DLGAP4: variants seen among roughly 807,000 people sequenced by gnomAD.
DLGAP4 encodes the protein DLG associated protein 4, also known as disks large-associated protein 4.
DLGAP4 carries 18 observed loss-of-function variants against 86.9 expected under a neutral mutation model. That is an observed-to-expected ratio of 0.21 (90% CI 0.14 to 0.31). The LOEUF is 0.31. DLGAP4 is among the 10% of genes least tolerant of loss of function. The pLI is 1.00. For synonymous variants in DLGAP4, 548 were observed against 574.3 expected, an observed-to-expected ratio of 0.95 and a Z score of 0.65; for missense variants, 1,085 against 1,362.6, an observed-to-expected ratio of 0.80 and a Z score of 3.21.
intron 7 of DLGAP4, among the ~76,000 whole-genome samples, chr20:36,469,764 A>T (rs1482749109): frequency 2.0e-5 from 3 of 151,852 alleles, no homozygotes; most frequent in Non-Finnish European, 4.4e-5. Context: ...AAAAAAAAAA[A>T]AAAAAAGTAA....
At chr20:36,346,095 C>T (rs2029927972) in intron 1 of DLGAP4, among the ~76,000 whole-genome samples, 1 of 152,180 alleles carries the variant, frequency 6.6e-6, no homozygotes, top group South Asian at 2.1e-4. Context: ...TGACCTCTCA[C>T]CTGCCTTGTC....
At chr20:36,483,360 C>T (rs1325751809) in intron 7 of DLGAP4, among the ~76,000 whole-genome samples, 1 of 152,132 alleles carries the variant, frequency 6.6e-6, no homozygotes, top group African/African-American at 2.4e-5. Flanking sequence ...TCCCTGAATG[C>T]CCGGAACTGG....
At position 36,308,291 on chromosome 20, in the gene DLGAP4, G is replaced by C. The variant is rs886868082; in HGVS notation, c.-304+1779G>C. ...AGGCCTGGTGAGGCCTGTGCTGGGC[G>C]CTGGGGAGTGCAATGGCTGACAGGG... On this transcript the variant is annotated intron_variant, in intron 1 of 12. Transcript: ENST00000339266. This position sits in a 1 kb window ranked among gnomAD's most constrained non-coding sequence, Gnocchi z 4.5. Among the ~76,000 whole-genome samples the C allele has an allele frequency of 6.6e-6, 1 of 152,222 alleles. No individual in the cohort carries two copies. Among genetic ancestry groups the C allele is most frequent in the African/African-American group, 2.4e-5 (1 of 41,444 alleles).
intron 7 of DLGAP4, among the ~76,000 whole-genome samples, chr20:36,491,191 C>CAA (rs1181625223): frequency 1.6e-5 from 2 of 126,086 alleles, no homozygotes; most frequent in Non-Finnish European, 3.4e-5. Flanking sequence ...GACTCTGTCT[C>CAA]AAAAAAAAAA....
chr20:36,374,943 C>G (rs750422048), intron 2 of DLGAP4, among the ~76,000 whole-genome samples: 2 of 152,248 alleles, frequency 1.3e-5, no homozygotes, highest in African/African-American at 2.4e-5. Flanking sequence ...GTCTGCAAAC[C>G]CTGCTGGGAG....
chr20:36,404,965 T>C (rs959655504), intron 2 of DLGAP4, among the ~76,000 whole-genome samples: 2 of 152,086 alleles, frequency 1.3e-5, no homozygotes, highest in Non-Finnish European at 2.9e-5. Context: ...AGGGAGGGCC[T>C]CTGGAGGAGG....
chr20:36,428,440 G>C lies in DLGAP4; in HGVS notation c.-72-3206G>C, dbSNP rs188384824. Among the ~76,000 whole-genome samples the C allele has an allele frequency of 7.9e-3, 1,208 of 152,240 alleles. 8 individuals are homozygous for C. The highest frequency in any genetic ancestry group is 0.012 in the Admixed American group (177 of 15,284). ...GAGAGCTATGAAGAAATCCTGAAGG[G>C]TGTGAGCTTGGCTGGCAGGTGGACA... On this transcript the variant is annotated intron_variant, in intron 2 of 12. Coordinates refer to ENST00000339266, the MANE Select transcript of DLGAP4 (RefSeq NM_001365621.2).
chr20:36,326,769 T>C (rs1174997906), intron 1 of DLGAP4, among the ~76,000 whole-genome samples: 3 of 152,308 alleles, frequency 2.0e-5, no homozygotes, highest in African/African-American at 7.2e-5. Context: ...TGAGGAATTC[T>C]TTCAGCTTTA....
At chr20:36,480,346 G>T (rs1041495270) in intron 7 of DLGAP4, among the ~76,000 whole-genome samples, 1 of 152,130 alleles carries the variant, frequency 6.6e-6, no homozygotes, top group Non-Finnish European at 1.5e-5. Context: ...AAGATTTCCC[G>T]TGTGGCTAGG....
At chr20:36,493,575 T>G (rs1754837988) in intron 7 of DLGAP4, among the ~76,000 whole-genome samples, 2 of 152,092 alleles carry the variant, frequency 1.3e-5, no homozygotes, top group Admixed American at 1.3e-4. Flanking sequence ...GATTTTGGTT[T>G]GTTGTGCCCC....
intron 2 of DLGAP4, among the ~76,000 whole-genome samples, chr20:36,380,805 T>TA (rs2031363399): frequency 2.6e-5 from 4 of 152,216 alleles, no homozygotes; most frequent in Admixed American, 2.0e-4. Context: ...GTGCTGCATC[T>TA]GAATTCTAGA....
At chr20:36,383,601 G>A (rs937955114) in intron 2 of DLGAP4, among the ~76,000 whole-genome samples, 3 of 152,058 alleles carry the variant, frequency 2.0e-5, no homozygotes, top group African/African-American at 7.2e-5. Context: ...GCCTTCCTGA[G>A]CTACCCCAAT....
At chr20:36,514,551 CAG>C (rs1050065477) in intron 10 of DLGAP4, among the ~76,000 whole-genome samples, 3 of 152,084 alleles carry the variant, frequency 2.0e-5, no homozygotes, top group East Asian at 1.9e-4. Flanking sequence ...GCTGGGAACA[CAG>C]GGGTGCACCA....
chr20:36,442,654 C>G, intron 5 of DLGAP4, 73 bp from the exon 6 acceptor site: 2 of 1,546,428 alleles, frequency 1.3e-6, no homozygotes, highest in East Asian at 2.2e-5. Flanking sequence ...AGTTTCCTTG[C>G]AATTGACCCT....
intron 10 of DLGAP4, among the ~76,000 whole-genome samples, chr20:36,509,139 TTGTC>T (rs1313438749): frequency 6.6e-6 from 1 of 152,236 alleles, no homozygotes; most frequent in Non-Finnish European, 1.5e-5. Flanking sequence ...ATTTTTCAAA[TTGTC>T]TGGGCATGGT....
At chr20:36,438,854 G>C (rs1007435171) in intron 4 of DLGAP4, among the ~76,000 whole-genome samples, 4 of 151,588 alleles carry the variant, frequency 2.6e-5, no homozygotes, top group Admixed American at 6.6e-5. Flanking sequence ...GCTGACCTCA[G>C]GTGAGCTGCC....
intron 8 of DLGAP4, chr20:36,497,730 CA>C: frequency 1.4e-6 from 1 of 733,186 alleles, no homozygotes; most frequent in Non-Finnish European, 1.7e-6. Context: ...GCAGGCCCTC[CA>C]TAGTCATGGC....
In DLGAP4 at chr20:36,436,305, T is replaced by C; in HGVS notation, c.1196T>C (p.Leu399Pro). ...PKTAARRQSY[L>P]RATQQSLGEQ... ...ACCGCGGCGCGGCGCCAGAGCTATC[T>C]GAGGGCCACGCAGCAGTCGCTGGGA... The change falls in exon 4 of 13, where the codon CTG becomes CCG. Residue 399 changes from leucine (L) to proline (P), a missense_variant. Physicochemically the swap from Leu to Pro is moderately conservative, Grantham distance 98. This residue lies in a region of DLGAP4 where 1,082 missense variants were observed against 1,344.1 expected (regional missense o/e 0.81). Transcript: ENST00000339266. The C allele has an allele frequency of 6.2e-7, 1 of 1,604,090 alleles. No individual in the cohort carries two copies. The highest frequency in any genetic ancestry group is 8.5e-7 in the Non-Finnish European group (1 of 1,178,972).
chr20:36,465,159 C>G (rs1195467723), intron 7 of DLGAP4: 1 of 150,662 alleles, frequency 6.6e-6, no homozygotes, highest in East Asian at 2.0e-4. Flanking sequence ...CAGTTCCCCC[C>G]CCATCCCCCC....
Sources: allele counts gnomAD v4.1 joint callset (sites outside exome capture counted in the v4.1 genomes callset), GRCh38; gene constraint gnomAD v4.1.1; regional missense constraint gnomAD v4.1.1; non-coding constraint Gnocchi (gnomAD v3.1); transcripts MANE v1.5; gene names NCBI Gene and HGNC (gene_info 2026-07-23, HGNC 2026-07-21).